The following IMMT variants were observed in gnomAD, a reference collection of about 807,000 sequenced individuals.
The protein encoded by IMMT is inner membrane mitochondrial protein, also known as MICOS complex subunit MIC60.
A neutral mutation model predicts 92.7 loss-of-function variants in IMMT; 40 were observed. The observed-to-expected ratio is 0.43, with a 90% CI of 0.34 to 0.56. The LOEUF (loss-of-function observed/expected upper bound fraction) is 0.56. Ranked by LOEUF, IMMT falls within the 20% of genes least tolerant of loss-of-function variation. The pLI, the probability that IMMT is intolerant of heterozygous loss-of-function variation, is 0.03. For missense variants in IMMT, 831 were observed against 912.1 expected, an observed-to-expected ratio of 0.91 and a Z score of 1.14; for synonymous variants, 322 against 336.1, an observed-to-expected ratio of 0.96 and a Z score of 0.46.
intron 2 of IMMT, among the ~76,000 whole-genome samples, chr2:86,180,921 C>T (rs1187066339): frequency 2.6e-5 from 4 of 151,766 alleles, no homozygotes; most frequent in Admixed American, 2.6e-4. Context: ...AATAAAATGC[C>T]AAATAAATTT....
Position 86,144,169 on chromosome 2 carries a change from A to C in IMMT, c.*99T>G. 2 of 1,328,554 alleles carry C rather than the reference A, an allele frequency of 1.5e-6. No homozygotes were observed. The highest frequency in any genetic ancestry group is 2.1e-6 in the Non-Finnish European group (2 of 966,792). 82.3% of individuals were successfully genotyped at this position (1,328,554 alleles called of 1,614,324 possible). ...TAGAACAGTACTTGTAAACCTGCTC[A>C]TTTCTAGACAAGTCCGGGACTCTCG... On this transcript the variant is annotated 3_prime_UTR_variant, in exon 15 of 15. Transcript: ENST00000410111.
chr2:86,168,441 T>C (rs1014125810), intron 6 of IMMT, among the ~76,000 whole-genome samples: 1 of 151,944 alleles, frequency 6.6e-6, no homozygotes, highest in Non-Finnish European at 1.5e-5. Context: ...TGGCCAACAT[T>C]GTGAAACCCC....
At chr2:86,158,302 A>G (rs182746423) in intron 10 of IMMT, 2 of 213,606 alleles carry the variant, frequency 9.4e-6, no homozygotes, top group Admixed American at 1.0e-4. Context: ...ACTTTTGTTC[A>G]CTCAAATTCC....
intron 1 of IMMT, among the ~76,000 whole-genome samples, chr2:86,184,716 T>C (rs1257237148): frequency 6.6e-6 from 1 of 151,398 alleles, no homozygotes; most frequent in Non-Finnish European, 1.5e-5. Context: ...CCAGAGCCTG[T>C]TGGTGAGGGC....
At position 86,173,505 on chromosome 2, in the gene IMMT, G is replaced by A. The variant is rs1296372240; in HGVS notation, c.421+145C>T. 6 of 586,502 alleles carry A rather than the reference G, an allele frequency of 1.0e-5. No individual in the cohort carries two copies. In the East Asian group the frequency reaches 1.4e-4, roughly 13 times the overall value. 36.3% of individuals were successfully genotyped at this position (586,502 alleles called of 1,614,324 possible). A position where few individuals can be genotyped will look rare whatever the true frequency, so the allele number is the denominator to read the frequency against. On this transcript the variant is annotated intron_variant, in intron 4 of 14. Coordinates refer to ENST00000410111, the MANE Select transcript of IMMT (RefSeq NM_006839.3). The stretch of plus-strand genomic sequence containing the variant: ...TGAGGCAGGAGAATCGCTTGAACCT[G>A]GGAGGTGGAGGCTGCGGTGAGCCGA...
Position 86,154,329 on chromosome 2 carries a change from C to T in IMMT, c.1163-755G>A, listed in dbSNP as rs192522951. Among the ~76,000 whole-genome samples the T allele has an allele frequency of 3.9e-5, 6 of 151,954 alleles. 1 individual carries two copies. Among genetic ancestry groups the T allele is most frequent in the South Asian group, 4.2e-4 (2 of 4,804 alleles). ...CTGGGACTACATGCGCCTCCCACCA[C>T]GCCTGGCTAATTTTTATATTTTTAG... On this transcript the variant is annotated intron_variant, in intron 10 of 14. Coordinates refer to ENST00000410111, the MANE Select transcript of IMMT (RefSeq NM_006839.3).
chr2:86,168,508 A>T (rs1224344886), intron 6 of IMMT, among the ~76,000 whole-genome samples: 1 of 152,126 alleles, frequency 6.6e-6, no homozygotes, highest in African/African-American at 2.4e-5. Flanking sequence ...CTATAGTCCC[A>T]GCTACTCAGG....
intron 10 of IMMT, 143 bp downstream of exon 10, chr2:86,158,449 G>A (rs1676015601): frequency 3.4e-6 from 2 of 584,468 alleles, no homozygotes; most frequent in Admixed American, 3.0e-5. Flanking sequence ...TGTAATGACT[G>A]TGGTTAAAAT....
In IMMT at chr2:86,147,808, T is replaced by C. The variant is rs778224694; in HGVS notation, c.1427A>G (p.Glu476Gly). The change falls in exon 13 of 15, where the codon GAA (glutamate) becomes GGA (glycine). Residue 476 changes from glutamate (E) to glycine (G), a missense_variant. Physicochemically the swap from Glu to Gly is moderately conservative, Grantham distance 98. Transcript: ENST00000410111. ...GCGAAGCTGGGTTCTCATTTCATTT[T>C]CCATGGCATCTCTGACTTCTTCTAT... The part of the protein sequence containing the change: ...RKIEEVRDAM[E>G]NEMRTQLRRQ... The C allele has an allele frequency of 6.2e-7, 1 of 1,613,822 alleles. No individual in the cohort carries two copies. The highest frequency in any genetic ancestry group is 8.5e-7 in the Non-Finnish European group (1 of 1,179,856).
intron 1 of IMMT, 123 bp downstream of exon 1, chr2:86,195,215 G>T: frequency 9.2e-7 from 1 of 1,092,798 alleles, no homozygotes. Flanking sequence ...GGCCTCTCCC[G>T]ACGAGGGTGG....
rs1253793388 is a variant in IMMT at position 86,195,322 on chromosome 2, G to A, written c.45+16C>T. On this transcript the variant is annotated intron_variant, in intron 1 of 14. Coordinates refer to ENST00000410111, the MANE Select transcript of IMMT (RefSeq NM_006839.3). ...GTTCAGCCTCCTCACGCGCCTCCGG[G>A]AGCCCCAGTGCTCACCTGGGCGGCG... 1.3e-6 allele frequency: 2 copies of A among 1,536,606 alleles called. No homozygotes were observed. The highest frequency in any genetic ancestry group is 1.4e-5 in the African/African-American group (1 of 71,872).
chr2:86,152,457 A>AG (rs1553445490), intron 11 of IMMT, among the ~76,000 whole-genome samples: 3 of 149,710 alleles, frequency 2.0e-5, no homozygotes, highest in African/African-American at 7.4e-5. Flanking sequence ...AAAAAAAAAA[A>AG]AGAGAGAATT....
chr2:86,144,669 A>C lies in IMMT; in HGVS notation c.1876T>G (p.Tyr626Asp). The C allele has an allele frequency of 6.2e-7, 1 of 1,613,946 alleles. No individual in the cohort carries two copies. Among genetic ancestry groups the C allele is most frequent in the Non-Finnish European group, 8.5e-7 (1 of 1,179,894 alleles). Residue 626 changes from tyrosine (Y) to aspartate (D), a missense_variant, in exon 15 of 15, where the codon TAC becomes GAC. Coordinates refer to ENST00000410111, the MANE Select transcript of IMMT (RefSeq NM_006839.3). ...IPPESLTRGV[Y>D]SEETLRARFY... ...CGGGCTCTAAGGGTCTCTTCACTGT[A>C]CACCCCACGGGTCAGGGACTCTGGA...
chr2:86,157,688 T>C (rs958197676), intron 10 of IMMT, among the ~76,000 whole-genome samples: 1 of 150,150 alleles, frequency 6.7e-6, no homozygotes, highest in Non-Finnish European at 1.5e-5. Flanking sequence ...CTCAGTAGGC[T>C]GAGGCAGGAG....
rs778845380 is a variant in IMMT, at chr2:86,173,666, A to G, written c.405T>C (p.Thr135=). 1.9e-6 allele frequency: 3 copies of G among 1,575,116 alleles called. No individual in the cohort carries two copies. In the South Asian group the frequency reaches 3.3e-5, roughly 18 times the overall value. Residue 135 remains threonine, a synonymous_variant, in exon 4 of 15, where the codon ACT becomes ACC. Transcript: ENST00000410111. ...ASQLQKQKGD[T]PASATAPTEA... ...TATAAGTACCTGTTGCTGAAGCTGG[A>G]GTATCTCCCTTTTGTTTTTGGAGTT...
intron 14 of IMMT, among the ~76,000 whole-genome samples, chr2:86,145,388 A>G (rs1419205271): frequency 6.6e-6 from 1 of 150,758 alleles, no homozygotes; most frequent in African/African-American, 2.4e-5. Context: ...CCAGCTACTC[A>G]GGAGTCTGAG....
chr2:86,155,665 C>T (rs180847572), intron 10 of IMMT, among the ~76,000 whole-genome samples: 19 of 152,194 alleles, frequency 1.2e-4, no homozygotes, highest in East Asian at 1.9e-4. Context: ...GGACATTTGT[C>T]GTTTAGGGAA....
Position 86,179,603 on chromosome 2 carries a change from C to A in IMMT, c.139G>T (p.Ala47Ser), listed in dbSNP as rs1489156584. The change falls in exon 3 of 15, where the codon GCT becomes TCT. Residue 47 changes from alanine (A) to serine (S), a missense_variant. Coordinates refer to ENST00000410111, the MANE Select transcript of IMMT (RefSeq NM_006839.3). ...GSSGLTTGKI[A>S]GAGLLFVGGG... ...CCAACAAACAAAAGGCCAGCTCCAG[C>A]AATTTTGCCAGTAGTCAACCTAAGT... 2 of 1,593,624 alleles carry A rather than the reference C, an allele frequency of 1.3e-6. No homozygotes were observed. The highest frequency in any genetic ancestry group is 2.2e-5 in the East Asian group (1 of 44,700).
chr2:86,193,083 G>C (rs1432505120), intron 1 of IMMT: 4 of 152,740 alleles, frequency 2.6e-5, no homozygotes, highest in Non-Finnish European at 5.9e-5. Flanking sequence ...CTCTAGGAGG[G>C]AACAGTAAAA....
Sources: allele counts gnomAD v4.1 joint callset (sites outside exome capture counted in the v4.1 genomes callset), GRCh38; gene constraint gnomAD v4.1.1; transcripts MANE v1.5; gene names NCBI Gene and HGNC (gene_info 2026-07-23, HGNC 2026-07-21).